Variants in IPO9 observed in about 807,000 individuals in gnomAD.
IPO9 encodes importin 9.
IPO9 carries 28 observed loss-of-function variants against 128.6 expected under a neutral mutation model. The observed-to-expected ratio is 0.22, with a 90% CI of 0.16 to 0.30. The LOEUF (loss-of-function observed/expected upper bound fraction) is 0.30, where lower values mean the gene tolerates loss of function less well. Among genes scored for constraint, IPO9 ranks in the 10% least tolerant of loss-of-function variants. The pLI is 1.00. For missense variants in IPO9, 935 were observed against 1,293.9 expected, an observed-to-expected ratio of 0.72 and a Z score of 4.26; for synonymous variants, 455 against 475.8, an observed-to-expected ratio of 0.96 and a Z score of 0.57.
At position 201,868,809 on chromosome 1, in the gene IPO9, G is replaced by A. The variant is rs777741269; in HGVS notation, c.2004+13G>A. 147 of 421,574 alleles carry A rather than the reference G, an allele frequency of 3.5e-4. No individual in the cohort carries two copies. Among genetic ancestry groups the A allele is most frequent in the African/African-American group, 7.3e-4 (13 of 17,754 alleles). The allele number at this position is 421,574 out of a possible 1,614,324, so 26.1% of individuals were successfully genotyped here. ...AGGGCTTTGTGCGGTAAGTGGCCGT[G>A]TGTGTGTGTGTGTGTGTGTGAGAGA... On this transcript the variant is annotated intron_variant, in intron 16 of 23. Coordinates refer to ENST00000361565, the MANE Select transcript of IPO9 (RefSeq NM_018085.5).
intron 4 of IPO9, among the ~76,000 whole-genome samples, chr1:201,849,152 C>T (rs1241605682): frequency 1.3e-5 from 2 of 152,178 alleles, no homozygotes; most frequent in East Asian, 1.9e-4. Context: ...GTAATCCTGA[C>T]CTTCATTTAG....
chr1:201,858,293 CT>C (rs1269537073), intron 11 of IPO9, among the ~76,000 whole-genome samples, 153 bp from the exon 12 acceptor site: 4 of 152,204 alleles, frequency 2.6e-5, no homozygotes, highest in African/African-American at 9.7e-5. Flanking sequence ...AGACCCTGAC[CT>C]ACTGGTATAA....
chr1:201,848,678 TG>T, intron 4 of IPO9, 84 bp downstream of exon 4: 3 of 1,345,908 alleles, frequency 2.2e-6, no homozygotes. Context: ...TATAATGGCC[TG>T]GACCAGTAGG....
chr1:201,852,943 T>G, intron 5 of IPO9, 68 bp from the exon 6 acceptor site: 28 of 1,223,948 alleles, frequency 2.3e-5, no homozygotes, highest in Middle Eastern at 1.9e-4. Flanking sequence ...ACTTCTAGTC[T>G]GAGATACACA....
chr1:201,873,692 A>G (rs1680703212), intron 20 of IPO9, among the ~76,000 whole-genome samples: 1 of 152,176 alleles, frequency 6.6e-6, no homozygotes. Context: ...GGTTGCAGTG[A>G]GCCAAGATCA....
chr1:201,857,104 A>G lies in IPO9; in HGVS notation c.1131A>G (p.Val377=). ...YMQITEEQIK[V]WTANPQQFVE... The stretch of plus-strand genomic sequence containing the variant: ...TAACTTGATCTTTTCAGATTAAAGT[A>G]TGGACAGCCAACCCCCAACAATTTG... Residue 377 remains valine, a synonymous_variant, in exon 11 of 24, where the codon GTA becomes GTG. Transcript: ENST00000361565. 6.2e-7 allele frequency: 1 copy of G among 1,602,540 alleles called. No individual in the cohort carries two copies. The highest frequency in any genetic ancestry group is 1.1e-5 in the South Asian group (1 of 90,854).
Position 201,866,817 on chromosome 1 carries a change from A to G in IPO9, c.1713A>G (p.Leu571=), listed in dbSNP as rs139229066. The stretch of plus-strand genomic sequence containing the variant: ...GCATCCTTGATGGCTTAATTCACCT[A>G]GCAGCCCAGTTCAGCTCAGAGGTCC... ...LPSILDGLIH[L]AAQFSSEVLN... The change falls in exon 15 of 24, where the codon CTA becomes CTG. Residue 571 remains leucine (L), a synonymous_variant. Coordinates refer to ENST00000361565, the MANE Select transcript of IPO9 (RefSeq NM_018085.5). 42 of 1,614,106 alleles carry G rather than the reference A, an allele frequency of 2.6e-5. No individual in the cohort carries two copies. The African/African-American group carries it at 4.7e-4, about 18-fold the overall frequency.
intron 1 of IPO9, chr1:201,834,813 C>G (rs1161691890): frequency 6.6e-6 from 1 of 152,178 alleles, no homozygotes; most frequent in Non-Finnish European, 1.5e-5. Flanking sequence ...GGGAAATTAT[C>G]TCTCCCTCAC....
At position 201,879,576 on chromosome 1, in the gene IPO9, G is replaced by A. The variant is rs1680845714; in HGVS notation, c.*3522G>A. 6.6e-6 allele frequency: 1 copy of A among 152,140 alleles called. No individual in the cohort carries two copies. 9.4% of individuals were successfully genotyped at this position (152,140 alleles called of 1,614,324 possible). On this transcript the variant is annotated 3_prime_UTR_variant, in exon 24 of 24. Coordinates refer to ENST00000361565, the MANE Select transcript of IPO9 (RefSeq NM_018085.5). ...TTAGATAATAAGAAACCCTTAGGAA[G>A]GATGACAATTTAGAATCCAAATTTA...
In IPO9 at chr1:201,829,247, T is replaced by A; in HGVS notation, c.38T>A (p.Leu13Gln). The A allele has an allele frequency of 6.3e-7, 1 of 1,581,594 alleles. No individual in the cohort carries two copies. The highest frequency in any genetic ancestry group is 8.6e-7 in the Non-Finnish European group (1 of 1,167,358). Residue 13 changes from leucine to glutamine, a missense_variant, in exon 1 of 24, where the codon CTG (leucine) becomes CAG (glutamine). By Grantham distance (113) the Leu-to-Gln change is moderately radical (BLOSUM62 -2). Coordinates refer to ENST00000361565, the MANE Select transcript of IPO9 (RefSeq NM_018085.5). ...AAAAAGAASG[L>Q]PGPVAQGLKE... ...GCGGCAGCTGGTGCGGCCTCCGGGC[T>A]GCCGGGTCCAGTGGCACAAGGATTA...
At chr1:201,875,100 C>T in intron 22 of IPO9, 52 bp from the exon 23 acceptor site, 1 of 1,530,442 alleles carries the variant, frequency 6.5e-7, no homozygotes. Flanking sequence ...CCACTCAGGG[C>T]CTGATCATGG....
At chr1:201,848,761 T>TC (rs1295391593) in intron 4 of IPO9, among the ~76,000 whole-genome samples, 167 bp downstream of exon 4, 1 of 152,210 alleles carries the variant, frequency 6.6e-6, no homozygotes, top group Non-Finnish European at 1.5e-5. Flanking sequence ...ATTGTTTTTT[T>TC]CTAGGGAATT....
intron 1 of IPO9, among the ~76,000 whole-genome samples, chr1:201,841,092 T>C (rs1680027462): frequency 6.6e-6 from 1 of 152,162 alleles, no homozygotes; most frequent in Non-Finnish European, 1.5e-5. Context: ...AGGGAGGCAC[T>C]AAAAATGGAG....
Position 201,881,349 on chromosome 1 carries a change from AC to A in IPO9, c.*5297del, listed in dbSNP as rs1680880681. On this transcript the variant is annotated 3_prime_UTR_variant, in exon 24 of 24. Transcript: ENST00000361565. ...AAACTGAAGCAGACAGATATTGTTA[AC>A]CTATCAAAGGTCACCCTGCAAGTGT... 6.6e-6 allele frequency: 1 copy of A among 152,234 alleles called. No homozygotes were observed. Among genetic ancestry groups the A allele is most frequent in the Non-Finnish European group, 1.5e-5 (1 of 68,038 alleles). 9.4% of individuals were successfully genotyped at this position (152,234 alleles called of 1,614,324 possible).
chr1:201,842,965 A>G (rs962563785), intron 1 of IPO9, among the ~76,000 whole-genome samples: 26 of 152,228 alleles, frequency 1.7e-4, no homozygotes, highest in Admixed American at 1.5e-3. Context: ...GAATCCTCTC[A>G]GTTCATAATC....
rs760786508 is a variant in IPO9, at chr1:201,829,357, C to T, written c.148C>T (p.Leu50=). Residue 50 remains leucine, a synonymous_variant, in exon 1 of 24, where the codon CTG becomes TTG. Coordinates refer to ENST00000361565, the MANE Select transcript of IPO9 (RefSeq NM_018085.5). ...GGCTGCTGAAGAACAGATTAAGGTG[C>T]TGGAGGTGACGGAGGGTGAGTGAGG... ...RAAAEEQIKV[L]EVTEEFGVHL... is the part of the protein sequence containing the mutation. 45 of 1,575,884 alleles carry T rather than the reference C, an allele frequency of 2.9e-5. No homozygotes were observed. The Admixed American group carries it at 6.7e-4, about 23-fold the overall frequency.
intron 16 of IPO9, 36 bp downstream of exon 16, chr1:201,868,832 A>G: frequency 1.3e-6 from 2 of 1,553,700 alleles, no homozygotes; most frequent in Non-Finnish European, 1.7e-6. Flanking sequence ...TGTGTGTGAG[A>G]GAGATCTACA....
At chr1:201,863,284 G>A (rs1371014157) in intron 13 of IPO9, 164 bp from the exon 14 acceptor site, 49 of 510,416 alleles carry the variant, frequency 9.6e-5, no homozygotes, top group Non-Finnish European at 1.4e-4. Flanking sequence ...CCCGGGGGAC[G>A]GAGGTTGCAG....
chr1:201,837,464 G>A lies in IPO9; in HGVS notation c.163+8092G>A, dbSNP rs1256210451. ...TGATCAGTGCCAGAGTGAACTGATG[G>A]AAAATGTGTGGTTCTTTTTCCCTTT... On this transcript the variant is annotated intron_variant, in intron 1 of 23. Transcript: ENST00000361565. Among the ~76,000 whole-genome samples the A allele has an allele frequency of 7.2e-5, 11 of 152,138 alleles. No homozygotes were observed. In the East Asian group the frequency reaches 1.9e-3, roughly 27 times the overall value.
Sources: allele counts gnomAD v4.1 joint callset (sites outside exome capture counted in the v4.1 genomes callset), GRCh38; gene constraint gnomAD v4.1.1; transcripts MANE v1.5; gene names NCBI Gene and HGNC (gene_info 2026-07-23, HGNC 2026-07-21).